TNKS1BP1: variants seen among roughly 807,000 people sequenced by gnomAD.
TNKS1BP1 encodes CCR4-NOT transcription complex subunit 12.
In TNKS1BP1, 48 loss-of-function variants were observed where a neutral mutation model predicts 141.1. That is an observed-to-expected ratio of 0.34 (90% CI 0.27 to 0.43). The LOEUF (loss-of-function observed/expected upper bound fraction) is 0.43, where lower values mean the gene tolerates loss of function less well. Among genes scored for constraint, TNKS1BP1 ranks in the 20% least tolerant of loss-of-function variants. The pLI, the probability that TNKS1BP1 is intolerant of heterozygous loss-of-function variation, is 1.00. For synonymous variants in TNKS1BP1, 875 were observed against 898.2 expected, an observed-to-expected ratio of 0.97 and a Z score of 0.46; for missense variants, 2,149 against 2,226.0, an observed-to-expected ratio of 0.97 and a Z score of 0.70.
Position 57,312,697 on chromosome 11 carries a change from T to G in TNKS1BP1, c.1991A>C (p.Glu664Ala). 1 of 1,573,892 alleles carries G rather than the reference T, an allele frequency of 6.4e-7. No individual in the cohort carries two copies. The highest frequency in any genetic ancestry group is 8.6e-7 in the Non-Finnish European group (1 of 1,160,486). The change falls in exon 5 of 12, where the codon GAG becomes GCG. Residue 664 changes from glutamate (E) to alanine (A), a missense_variant. Physicochemically the swap from Glu to Ala is moderately radical, Grantham distance 107. Transcript: ENST00000358252. ...ARAETTQART[E>A]AQDLCRASPE... ...GGATGCCCTACACAAGTCTTGAGCC[T>G]CTGTCCTGGCTTGGGTGGTCTCAGC... is the stretch of plus-strand genomic sequence containing the variant.
At chr11:57,319,753 G>A (rs1255094251) in intron 3 of TNKS1BP1, among the ~76,000 whole-genome samples, 1 of 121,318 alleles carries the variant, frequency 8.2e-6, no homozygotes, top group African/African-American at 3.1e-5. Flanking sequence ...GGTGACAAGA[G>A]CAAAACACCA....
In TNKS1BP1 at chr11:57,300,519, T is replaced by C. The variant is rs1565036316; in HGVS notation, c.*12+9A>G. Reference sequence around the variant, plus strand: ...CAGACTGGATCCAAGCCCAGGAACCTGTCCTCACCTCAGTGACTTCTCAGA... The same window carrying C: ...CAGACTGGATCCAAGCCCAGGAACCCGTCCTCACCTCAGTGACTTCTCAGA... On this transcript the variant is annotated intron_variant, in intron 11 of 11. Transcript: ENST00000358252. The C allele has an allele frequency of 6.2e-7, 1 of 1,614,168 alleles. No individual in the cohort carries two copies. Among genetic ancestry groups the C allele is most frequent in the Non-Finnish European group, 8.5e-7 (1 of 1,179,968 alleles).
At chr11:57,307,089 C>G (rs1438782564) in intron 6 of TNKS1BP1, among the ~76,000 whole-genome samples, 1 of 152,102 alleles carries the variant, frequency 6.6e-6, no homozygotes, top group Admixed American at 6.5e-5. Context: ...CTGTGAAGAT[C>G]AATGAGGTAA....
chr11:57,301,988 G>A (rs1855531376), intron 8 of TNKS1BP1, 45 bp from the exon 9 acceptor site: 1 of 1,609,784 alleles, frequency 6.2e-7, no homozygotes, highest in Non-Finnish European at 8.5e-7. Context: ...AGCACACCCA[G>A]ACTCCCCGAA....
chr11:57,321,744 T>TGCCA, intron 2 of TNKS1BP1, 48 bp downstream of exon 2: 5 of 1,039,820 alleles, frequency 4.8e-6, no homozygotes, highest in South Asian at 1.3e-5. Flanking sequence ...CCTCTGTCCT[T>TGCCA]CCCACCCCCC....
rs772609200 is a variant in TNKS1BP1 at position 57,313,789 on chromosome 11, C to T, written c.899G>A (p.Gly300Asp). 1.3e-6 allele frequency: 2 copies of T among 1,591,980 alleles called. No homozygotes were observed. Among genetic ancestry groups the T allele is most frequent in the Non-Finnish European group, 1.7e-6 (2 of 1,170,146 alleles). ...LPAEASGSGP[G>D]SPHLHPPDKS... Reference sequence around the variant, plus strand: ...ATCAGGCGGGTGAAGATGGGGAGAGCCAGGGCCTGAGCCTGAGGCTTCTGC... The same window carrying T: ...ATCAGGCGGGTGAAGATGGGGAGAGTCAGGGCCTGAGCCTGAGGCTTCTGC... Residue 300 changes from glycine (G) to aspartate (D), a missense_variant, in exon 5 of 12, where the codon GGC becomes GAC. Physicochemically the swap from Gly to Asp is moderately conservative, Grantham distance 94. Coordinates refer to ENST00000358252, the MANE Select transcript of TNKS1BP1 (RefSeq NM_033396.3).
At position 57,309,046 on chromosome 11, in the gene TNKS1BP1, A is replaced by G. The variant is rs754320658; in HGVS notation, c.3665T>C (p.Val1222Ala). The G allele has an allele frequency of 1.9e-6, 3 of 1,613,102 alleles. No homozygotes were observed. In the African/African-American group the frequency reaches 4.0e-5, roughly 22 times the overall value. The change falls in exon 6 of 12, where the codon GTT (valine) becomes GCT (alanine). Residue 1222 changes from valine to alanine, a missense_variant. Coordinates refer to ENST00000358252, the MANE Select transcript of TNKS1BP1 (RefSeq NM_033396.3). This position sits in a 1 kb window ranked among gnomAD's most constrained non-coding sequence, Gnocchi z 4.3. The stretch of plus-strand genomic sequence containing the variant: ...ATCAGAAGTCCAGTCCTTCTCCCCA[A>G]CTCCGATTCCCCCCGGCTCTTCAGA... ...GGSEEPGGIGVGEKDWTSDVN... is the reference protein window; with the variant it reads ...GGSEEPGGIGAGEKDWTSDVN...
In TNKS1BP1 at chr11:57,309,581, C is replaced by T. The variant is rs780942582; in HGVS notation, c.3130G>A (p.Asp1044Asn). 1 of 1,613,578 alleles carries T rather than the reference C, an allele frequency of 6.2e-7. No homozygotes were observed. The highest frequency in any genetic ancestry group is 1.7e-5 in the Admixed American group (1 of 60,036). ...HVPDGALGQRDQSSWQNSDAS... is the reference protein window; with the variant it reads ...HVPDGALGQRNQSSWQNSDAS... ...TCACTGTTTTGCCAGCTGCTCTGGTCTCTCTGCCCGAGTGCCCCATCCGGC... is the reference window on the plus strand; with the variant it reads ...TCACTGTTTTGCCAGCTGCTCTGGTTTCTCTGCCCGAGTGCCCCATCCGGC... The change falls in exon 6 of 12, where the codon GAC becomes AAC. Residue 1044 changes from aspartate (D) to asparagine (N), a missense_variant. Coordinates refer to ENST00000358252, the MANE Select transcript of TNKS1BP1 (RefSeq NM_033396.3). The surrounding 1 kb of genome is among the most constrained non-coding windows in gnomAD (Gnocchi z 4.3).
Position 57,302,598 on chromosome 11 carries a change from G to A in TNKS1BP1, c.4544C>T (p.Ala1515Val). Reference protein sequence around the residue: ...PSWRPQPDGEASQTEDVDGTW... With the variant: ...PSWRPQPDGEVSQTEDVDGTW... ...GCCATCCACGTCTTCTGTCTGGCTG[G>A]CCTCACCATCAGGCTGCGGCCTCCA... The change falls in exon 7 of 12, where the codon GCC (alanine) becomes GTC (valine). Residue 1515 changes from alanine to valine, a missense_variant. By Grantham distance (64) the Ala-to-Val change is moderately conservative (BLOSUM62 0). Transcript: ENST00000358252. The surrounding 1 kb of genome is among the most constrained non-coding windows in gnomAD (Gnocchi z 5.5). 1.2e-6 allele frequency: 2 copies of A among 1,612,812 alleles called. No homozygotes were observed. The highest frequency in any genetic ancestry group is 1.7e-6 in the Non-Finnish European group (2 of 1,179,882).
chr11:57,323,246 C>T (rs1318592532), intron 1 of TNKS1BP1, among the ~76,000 whole-genome samples: 2 of 152,036 alleles, frequency 1.3e-5, no homozygotes, highest in African/African-American at 4.8e-5. Flanking sequence ...ATTCCCAGAC[C>T]ATTCCTTCAC....
chr11:57,300,321 C>A (rs1010181105), intron 11 of TNKS1BP1, among the ~76,000 whole-genome samples: 1 of 152,320 alleles, frequency 6.6e-6, no homozygotes, highest in African/African-American at 2.4e-5. Flanking sequence ...CTCTTCCACA[C>A]CAGGCCAGAC....
intron 3 of TNKS1BP1, 161 bp downstream of exon 3, chr11:57,319,918 T>C: frequency 1.2e-6 from 1 of 809,216 alleles, no homozygotes; most frequent in East Asian, 2.6e-5. Context: ...GAATGATTTG[T>C]GACCTAGATC....
At position 57,304,249 on chromosome 11, in the gene TNKS1BP1, G is replaced by A. The variant is rs566331221; in HGVS notation, c.4317-1424C>T. ...AAAGCAGGAGGAGAGTGGGGCAGGT[G>A]AGTCAATACCAAGCAGGAAGAGGGG... On this transcript the variant is annotated intron_variant, in intron 6 of 11. Transcript: ENST00000358252. Among the ~76,000 whole-genome samples, 266 of 152,240 alleles carry A rather than the reference G, an allele frequency of 1.7e-3. 3 individuals carry two copies. The highest frequency in any genetic ancestry group is 5.7e-3 in the African/African-American group (238 of 41,540).
Position 57,309,168 on chromosome 11 carries a change from C to T in TNKS1BP1, c.3543G>A (p.Ser1181=), listed in dbSNP as rs140424909. Residue 1181 remains serine (S), a synonymous_variant, in exon 6 of 12, where the codon TCG becomes TCA. Transcript: ENST00000358252. The surrounding 1 kb of genome is among the most constrained non-coding windows in gnomAD (Gnocchi z 4.3). ...EVSSCVGSGG[S]SEARESAVGQ... ...CCACGGCACTCTCCCTGGCCTCGCT[C>T]GAGCCCCCAGAACCCACACAGCTGG... The T allele has an allele frequency of 6.8e-6, 11 of 1,614,018 alleles. No individual in the cohort carries two copies. The highest frequency in any genetic ancestry group is 1.7e-5 in the Admixed American group (1 of 60,004).
chr11:57,313,962 CACAGACCCCAG>C (rs1225669431), intron 4 of TNKS1BP1, 73 bp from the exon 5 acceptor site: 6 of 1,380,434 alleles, frequency 4.3e-6, no homozygotes, highest in Non-Finnish European at 5.6e-6. Flanking sequence ...TCCGACCCCA[CACAGACCCCAG>C]GTCAGCTTCT....
intron 6 of TNKS1BP1, 128 bp downstream of exon 6, chr11:57,308,258 AGTCCAAAAT>A: frequency 8.1e-7 from 1 of 1,240,904 alleles, no homozygotes; most frequent in Non-Finnish European, 1.1e-6. Flanking sequence ...AAAAATTCTT[AGTCCAAAAT>A]GTCTCAATTA....
chr11:57,304,436 C>A (rs2134347825), intron 6 of TNKS1BP1, among the ~76,000 whole-genome samples: 1 of 152,324 alleles, frequency 6.6e-6, no homozygotes. Flanking sequence ...GGGCCAAAGC[C>A]AGCTCACCCT....
chr11:57,320,994 C>T lies in TNKS1BP1; in HGVS notation c.95-282G>A, dbSNP rs1169722122. On this transcript the variant is annotated intron_variant, in intron 2 of 11. Coordinates refer to ENST00000358252, the MANE Select transcript of TNKS1BP1 (RefSeq NM_033396.3). ...ACCTGGCACCTTACTTCTTCCTGTA[C>T]TGTATTTTGCCCCTAGCATAAGTTA... Among the ~76,000 whole-genome samples, 4 of 152,296 alleles carry T rather than the reference C, an allele frequency of 2.6e-5. No homozygotes were observed. The East Asian group carries it at 5.8e-4, about 22-fold the overall frequency.
Position 57,324,922 on chromosome 11 carries a change from C to T in TNKS1BP1, c.-148G>A. ...CCGCCGCCGCTGCTACCGCCGCCGC[C>T]GCCGCCGTCACCGCGGGACGAAGCC... On this transcript the variant is annotated 5_prime_UTR_variant, in exon 1 of 12. Transcript: ENST00000358252. 4 of 992,252 alleles carry T rather than the reference C, an allele frequency of 4.0e-6. No individual in the cohort carries two copies. Among genetic ancestry groups the T allele is most frequent in the Non-Finnish European group, 4.8e-6 (4 of 835,526 alleles). The allele number at this position is 992,252 out of a possible 1,614,324, so 61.5% of individuals were successfully genotyped here.
Sources: allele counts gnomAD v4.1 joint callset (sites outside exome capture counted in the v4.1 genomes callset), GRCh38; gene constraint gnomAD v4.1.1; non-coding constraint Gnocchi (gnomAD v3.1); transcripts MANE v1.5; gene names NCBI Gene and HGNC (gene_info 2026-07-23, HGNC 2026-07-21).